SALL4: variants seen among roughly 807,000 people sequenced by gnomAD.
The protein encoded by SALL4 is spalt like transcription factor 4, also known as sal-like protein 4.
SALL4 carries 4 observed loss-of-function variants against 60.8 expected under a neutral mutation model. The ratio of observed to expected loss-of-function variants is 0.07; its 90% CI spans 0.03 to 0.15. SALL4 has a LOEUF of 0.15. Among genes scored for constraint, SALL4 ranks in the 10% least tolerant of loss-of-function variants. The probability of loss-of-function intolerance (pLI) is 1.00; values close to 1 mark genes in which losing one functional copy is unlikely to be tolerated. For synonymous variants in SALL4, 580 were observed against 574.9 expected, an observed-to-expected ratio of 1.01 and a Z score of -0.13; for missense variants, 1,178 against 1,394.7, an observed-to-expected ratio of 0.84 and a Z score of 2.48.
Position 51,801,905 on chromosome 20 carries a change from G to A in SALL4, c.130+374C>T, listed in dbSNP as rs2078112194. Among the ~76,000 whole-genome samples, 1 of 142,268 alleles carries A rather than the reference G, an allele frequency of 7.0e-6. No homozygotes were observed. Among genetic ancestry groups the A allele is most frequent in the South Asian group, 2.4e-4 (1 of 4,228 alleles). 93.3% of individuals were successfully genotyped at this position (142,268 alleles called of 152,430 possible). A position where few individuals can be genotyped will look rare whatever the true frequency, so the allele number is the denominator to read the frequency against. On this transcript the variant is annotated intron_variant, in intron 1 of 3. Coordinates refer to ENST00000217086, the MANE Select transcript of SALL4 (RefSeq NM_020436.5). The surrounding 1 kb of genome is among the most constrained non-coding windows in gnomAD (Gnocchi z 5.2). ...CTTTTGAGAGCGACGCGAGGGAGGG[G>A]GACCTAAGTTACAAGGGGGGGGGGT... is the stretch of plus-strand genomic sequence containing the variant.
At position 51,784,602 on chromosome 20, in the gene SALL4, A is replaced by G; in HGVS notation, c.2825T>C (p.Leu942Ser). 8 of 1,614,154 alleles carry G rather than the reference A, an allele frequency of 5.0e-6. No individual in the cohort carries two copies. Among genetic ancestry groups the G allele is most frequent in the Non-Finnish European group, 6.8e-6 (8 of 1,180,026 alleles). The change falls in exon 4 of 4, where the codon TTA becomes TCA. Residue 942 changes from leucine (L) to serine (S), a missense_variant. This residue lies in a region of SALL4 where 174 missense variants were observed against 169.6 expected (regional missense o/e 1.03). Coordinates refer to ENST00000217086, the MANE Select transcript of SALL4 (RefSeq NM_020436.5). ...TGAGACTCTTTTTCCGTCCGTACCTAACAGAGCCATGGTGTTCTCGATGGC... is the reference window on the plus strand; with the variant it reads ...TGAGACTCTTTTTCCGTCCGTACCTGACAGAGCCATGGTGTTCTCGATGGC... ...KLAIENTMAL[L>S]GTDGKRVSEI... is the part of the protein sequence containing the mutation.
intron 1 of SALL4, among the ~76,000 whole-genome samples, chr20:51,800,428 G>T (rs969900091): frequency 6.6e-6 from 1 of 152,200 alleles, no homozygotes; most frequent in Non-Finnish European, 1.5e-5. Flanking sequence ...GGCAGCGCAC[G>T]GCCAGGCCCG....
At position 51,784,656 on chromosome 20, in the gene SALL4, T is replaced by C. The variant is rs1213284489; in HGVS notation, c.2771A>G (p.Asn924Ser). 3 of 1,614,080 alleles carry C rather than the reference T, an allele frequency of 1.9e-6. No individual in the cohort carries two copies. Among genetic ancestry groups the C allele is most frequent in the Non-Finnish European group, 2.5e-6 (3 of 1,180,050 alleles). The change falls in exon 4 of 4, where the codon AAT becomes AGT. Residue 924 changes from asparagine (N) to serine (S), a missense_variant. Transcript: ENST00000217086. Reference sequence around the variant, plus strand: ...CTTCCTTCCACGGCGGGCTGAGTTATTGTTCGCCCCGTGTGTCATGTAGTG... The same window carrying C: ...CTTCCTTCCACGGCGGGCTGAGTTACTGTTCGCCCCGTGTGTCATGTAGTG... ...KVHYMTHGAN[N>S]NSARRGRKLA...
chr20:51,797,814 T>C (rs1280785480), intron 1 of SALL4, among the ~76,000 whole-genome samples: 1 of 143,902 alleles, frequency 6.9e-6, no homozygotes, highest in Non-Finnish European at 1.5e-5. Context: ...CACTGCCAAA[T>C]GGATAGAAAA....
chr20:51,801,558 A>G lies in SALL4; in HGVS notation c.130+721T>C, dbSNP rs1322294941. Reference sequence around the variant, plus strand: ...AGATGGCTGGAGGTCAGGCCCCGAAAGGTTAGGGCGAAGATCGGCAGGCGG... The same window carrying G: ...AGATGGCTGGAGGTCAGGCCCCGAAGGGTTAGGGCGAAGATCGGCAGGCGG... On this transcript the variant is annotated intron_variant, in intron 1 of 3. Coordinates refer to ENST00000217086, the MANE Select transcript of SALL4 (RefSeq NM_020436.5). The surrounding 1 kb of genome is among the most constrained non-coding windows in gnomAD (Gnocchi z 5.2). The G allele has an allele frequency of 6.6e-6, 1 of 152,306 alleles. No individual in the cohort carries two copies. Among genetic ancestry groups the G allele is most frequent in the East Asian group, 1.9e-4 (1 of 5,194 alleles). The allele number at this position is 152,306 out of a possible 1,614,324, so 9.4% of individuals were successfully genotyped here.
At chr20:51,785,195 C>G (rs6067934) in intron 3 of SALL4, among the ~76,000 whole-genome samples, 118,739 of 151,956 alleles carry the variant, frequency 0.78, 46,713 homozygotes, top group African/African-American at 0.85. Context: ...CAGCTGCTCG[C>G]GAGGCTGAGG....
At position 51,784,337 on chromosome 20, in the gene SALL4, T is replaced by TG; in HGVS notation, c.3089dup (p.Ser1031LysfsTer4). ...GTTTGGGAACGCCGTCAGTAGCACT[T>TG]GGTTTTTCCACATCTGCACTGATAC... On this transcript the variant is annotated frameshift_variant, in exon 4 of 4. Coordinates refer to ENST00000217086, the MANE Select transcript of SALL4 (RefSeq NM_020436.5). LOFTEE classifies it high-confidence loss of function. The TG allele has an allele frequency of 6.2e-7, 1 of 1,614,184 alleles. No homozygotes were observed. The highest frequency in any genetic ancestry group is 1.7e-5 in the Admixed American group (1 of 60,014).
intron 1 of SALL4, 141 bp downstream of exon 1, chr20:51,802,138 T>A: frequency 1.0e-6 from 1 of 984,284 alleles, no homozygotes; most frequent in South Asian, 1.7e-5. Context: ...AGGAGACCTC[T>A]CCTCCCGGGC....
At chr20:51,786,357 G>C (rs916156127) in intron 3 of SALL4, among the ~76,000 whole-genome samples, 1 of 152,104 alleles carries the variant, frequency 6.6e-6, no homozygotes, top group Non-Finnish European at 1.5e-5. Context: ...GCCTCCCAAA[G>C]TGCTGGGATT....
intron 2 of SALL4, 105 bp downstream of exon 2, chr20:51,789,917 G>A: frequency 1.4e-6 from 2 of 1,397,804 alleles, no homozygotes; most frequent in South Asian, 2.3e-5. Context: ...CCCTATAGAA[G>A]GGGCTGCTTC....
chr20:51,792,581 CG>C (rs1568866567), intron 1 of SALL4, among the ~76,000 whole-genome samples: 1 of 145,956 alleles, frequency 6.9e-6, no homozygotes, highest in African/African-American at 2.5e-5. Flanking sequence ...CCCAGCTACT[CG>C]GGAGGCTGAG....
At position 51,782,572 on chromosome 20, in the gene SALL4, A is replaced by T. The variant is rs958309440; in HGVS notation, c.*1693T>A. 9 of 151,040 alleles carry T rather than the reference A, an allele frequency of 6.0e-5. No homozygotes were observed. Among genetic ancestry groups the T allele is most frequent in the Admixed American group, 5.3e-4 (8 of 15,146 alleles). 9.4% of individuals were successfully genotyped at this position (151,040 alleles called of 1,614,324 possible). On this transcript the variant is annotated 3_prime_UTR_variant, in exon 4 of 4. Coordinates refer to ENST00000217086, the MANE Select transcript of SALL4 (RefSeq NM_020436.5). ...TGGCAAAAAAAAAAAAAAAAAAAAA[A>T]AAGGGGGGCGGAATCCTAAAGTCAG...
Position 51,792,328 on chromosome 20 carries a change from T to C in SALL4, c.155A>G (p.Asn52Ser), listed in dbSNP as rs1399009459. ...ELGAPVNHPG[N>S]DEVASEDEAT... is the part of the protein sequence containing the mutation. ...TTCATCCTCACTCGCCACCTCGTCATTCCCTGGGTGGTTCACTGGAGCACC... is the reference window on the plus strand; with the variant it reads ...TTCATCCTCACTCGCCACCTCGTCACTCCCTGGGTGGTTCACTGGAGCACC... Residue 52 changes from asparagine (N) to serine (S), a missense_variant, in exon 2 of 4, where the codon AAT becomes AGT. Physicochemically the swap from Asn to Ser is conservative, Grantham distance 46. Transcript: ENST00000217086. The C allele has an allele frequency of 6.2e-7, 1 of 1,605,052 alleles. No homozygotes were observed. Among genetic ancestry groups the C allele is most frequent in the Non-Finnish European group, 8.5e-7 (1 of 1,179,974 alleles).
At chr20:51,786,089 GTT>G (rs763670225) in intron 3 of SALL4, among the ~76,000 whole-genome samples, 2 of 127,334 alleles carry the variant, frequency 1.6e-5, no homozygotes, top group Non-Finnish European at 3.2e-5. Context: ...CCAGCTAATT[GTT>G]TTTTTTTTTT....
intron 1 of SALL4, among the ~76,000 whole-genome samples, chr20:51,795,179 C>G (rs907586620): frequency 6.6e-6 from 1 of 152,134 alleles, no homozygotes; most frequent in African/African-American, 2.4e-5. Context: ...CGGCCGGGCA[C>G]GGTGGCTCAC....
chr20:51,791,457 C>G lies in SALL4; in HGVS notation c.1026G>C (p.Val342=). The change falls in exon 2 of 4, where the codon GTG becomes GTC. Residue 342 remains valine, a synonymous_variant. Transcript: ENST00000217086. The surrounding 1 kb of genome is among the most constrained non-coding windows in gnomAD (Gnocchi z 4.6). ...SALLPQAPGS[V]LFQSPFSTVA... is the part of the protein sequence containing the mutation. ...CAGTGGAGAAAGGGCTCTGGAAGAGCACCGAGCCCGGGGCCTGAGGAAGCA... is the reference window on the plus strand; with the variant it reads ...CAGTGGAGAAAGGGCTCTGGAAGAGGACCGAGCCCGGGGCCTGAGGAAGCA... 11 of 1,614,162 alleles carry G rather than the reference C, an allele frequency of 6.8e-6. No individual in the cohort carries two copies. Among genetic ancestry groups the G allele is most frequent in the Non-Finnish European group, 8.5e-6 (10 of 1,180,012 alleles).
rs1228136210 is a variant in SALL4, at chr20:51,784,163, T to C, written c.*102A>G. The C allele has an allele frequency of 1.8e-5, 24 of 1,353,502 alleles. No individual in the cohort carries two copies. The Admixed American group carries it at 2.7e-4, about 15-fold the overall frequency. 83.8% of individuals were successfully genotyped at this position (1,353,502 alleles called of 1,614,324 possible). A position where few individuals can be genotyped will look rare whatever the true frequency, so the allele number is the denominator to read the frequency against. On this transcript the variant is annotated 3_prime_UTR_variant, in exon 4 of 4. Coordinates refer to ENST00000217086, the MANE Select transcript of SALL4 (RefSeq NM_020436.5). The stretch of plus-strand genomic sequence containing the variant: ...CAACGTAGTAAACATCATTTGCATA[T>C]CAGTAAGAAAAAGAAAACAGGAGGA...
chr20:51,794,276 T>G (rs1469673038), intron 1 of SALL4, among the ~76,000 whole-genome samples: 1 of 152,204 alleles, frequency 6.6e-6, no homozygotes, highest in African/African-American at 2.4e-5. Flanking sequence ...TCAATCCTAT[T>G]AAATATCAGC....
chr20:51,796,591 C>A (rs1473671547), intron 1 of SALL4, among the ~76,000 whole-genome samples: 2 of 152,162 alleles, frequency 1.3e-5, no homozygotes, highest in Non-Finnish European at 2.9e-5. Context: ...ATCTTCATAG[C>A]CACATAATCA....
Sources: allele counts gnomAD v4.1 joint callset (sites outside exome capture counted in the v4.1 genomes callset), GRCh38; gene constraint gnomAD v4.1.1; regional missense constraint gnomAD v4.1.1; non-coding constraint Gnocchi (gnomAD v3.1); transcripts MANE v1.5; gene names NCBI Gene and HGNC (gene_info 2026-07-23, HGNC 2026-07-21).